SPMIP3: variants seen among roughly 807,000 people sequenced by gnomAD.
SPMIP3 encodes sperm microtubule inner protein 3, also known as protein SPMIP3.
At chr1:244,386,885 C>T in the SPMIP3 span, among the ~76,000 whole-genome samples, 6 of 152,320 alleles carry the variant, frequency 3.9e-5, no homozygotes, top group South Asian at 8.3e-4. Context: ...GACTGCACCT[C>T]TTATAAGCTA....
the SPMIP3 span, among the ~76,000 whole-genome samples, chr1:244,385,165 T>A: frequency 6.6e-6 from 1 of 152,160 alleles, no homozygotes; most frequent in African/African-American, 2.4e-5. Flanking sequence ...AGTGCTGGGA[T>A]TACAGGCATG....
chr1:244,378,140 G>A, the SPMIP3 span, among the ~76,000 whole-genome samples: 1 of 152,046 alleles, frequency 6.6e-6, no homozygotes, highest in Non-Finnish European at 1.5e-5. Context: ...AACATCCGCA[G>A]AACAGTTACA....
the SPMIP3 span, among the ~76,000 whole-genome samples, chr1:244,372,024 C>T: frequency 1.3e-5 from 2 of 152,228 alleles, no homozygotes; most frequent in African/African-American, 2.4e-5. Flanking sequence ...ACAGAACTCG[C>T]CCTGCTCAGT....
chr1:244,383,826 C>A, the SPMIP3 span, among the ~76,000 whole-genome samples: 3 of 152,070 alleles, frequency 2.0e-5, no homozygotes, highest in Non-Finnish European at 2.9e-5. Flanking sequence ...GAAGAAAGAC[C>A]AGAGTATGAA....
chr1:244,359,753 C>CA, the SPMIP3 span, among the ~76,000 whole-genome samples: 1 of 151,310 alleles, frequency 6.6e-6, no homozygotes. Flanking sequence ...TTAAAATAAG[C>CA]AAAAAATCTG....
chr1:244,369,634 C>T, the SPMIP3 span, among the ~76,000 whole-genome samples: 1 of 151,928 alleles, frequency 6.6e-6, no homozygotes, highest in African/African-American at 2.4e-5. Context: ...GGTTTTATAA[C>T]CGAGCTTGAG....
chr1:244,360,358 C>T, the SPMIP3 span, among the ~76,000 whole-genome samples: 4 of 152,140 alleles, frequency 2.6e-5, no homozygotes, highest in African/African-American at 9.6e-5. Flanking sequence ...CCAGCAGTCT[C>T]ACTGCTGGGT....
At chr1:244,372,656 G>A in the SPMIP3 span, among the ~76,000 whole-genome samples, 2 of 152,044 alleles carry the variant, frequency 1.3e-5, no homozygotes, top group Non-Finnish European at 2.9e-5. Flanking sequence ...CGTTAGCCAG[G>A]ATGGTCTCGA....
At chr1:244,380,964 A>G in the SPMIP3 span, among the ~76,000 whole-genome samples, 3 of 151,838 alleles carry the variant, frequency 2.0e-5, no homozygotes, top group African/African-American at 7.3e-5. Context: ...AGGCTCCGAG[A>G]CGACTGGAGC....
chr1:244,356,828 T>C, the SPMIP3 span, among the ~76,000 whole-genome samples: 60,600 of 151,756 alleles, frequency 0.4, 12,627 homozygotes, highest in Middle Eastern at 0.5. Context: ...TGTCAAATGT[T>C]TACCATGTGC....
chr1:244,386,227 T>C, the SPMIP3 span, among the ~76,000 whole-genome samples: 1 of 152,104 alleles, frequency 6.6e-6, no homozygotes, highest in Non-Finnish European at 1.5e-5. Context: ...TATTAAATCA[T>C]TAACATATTT....
chr1:244,358,439 G>T, the SPMIP3 span, among the ~76,000 whole-genome samples: 3 of 151,846 alleles, frequency 2.0e-5, no homozygotes, highest in South Asian at 6.2e-4. Flanking sequence ...ACAAAAACTA[G>T]CTAGGCGTGG....
the SPMIP3 span, chr1:244,375,030 T>C: frequency 6.2e-6 from 1 of 160,458 alleles, no homozygotes; most frequent in Non-Finnish European, 1.4e-5. Flanking sequence ...TGGTTTTATA[T>C]ATCCACTTAT....
At chr1:244,365,583 T>C in the SPMIP3 span, among the ~76,000 whole-genome samples, 1 of 152,322 alleles carries the variant, frequency 6.6e-6, no homozygotes, top group Middle Eastern at 3.4e-3. Context: ...TATTTCTTCA[T>C]AGCAGTATGA....
the SPMIP3 span, among the ~76,000 whole-genome samples, chr1:244,374,712 G>A: frequency 0.013 from 1,974 of 147,902 alleles, 20 homozygotes; most frequent in Non-Finnish European, 0.019. Flanking sequence ...TTCTCCTGGC[G>A]CAGCCTTCCC....
the SPMIP3 span, among the ~76,000 whole-genome samples, chr1:244,368,254 TG>T: frequency 1.3e-5 from 2 of 152,098 alleles, no homozygotes; most frequent in Non-Finnish European, 2.9e-5. Flanking sequence ...CCACTGCACC[TG>T]GCCTACTTTA....
At chr1:244,370,566 A>G in the SPMIP3 span, among the ~76,000 whole-genome samples, 5 of 152,314 alleles carry the variant, frequency 3.3e-5, no homozygotes, top group African/African-American at 9.6e-5. Context: ...CACTGGAGGC[A>G]CAGCAGAGCT....
At chr1:244,385,636 T>C in the SPMIP3 span, among the ~76,000 whole-genome samples, 9 of 152,326 alleles carry the variant, frequency 5.9e-5, no homozygotes, top group Non-Finnish European at 1.3e-4. Context: ...AAATAGTATC[T>C]ACCTAATAGA....
chr1:244,378,868 A>G, the SPMIP3 span, among the ~76,000 whole-genome samples: 1 of 152,160 alleles, frequency 6.6e-6, no homozygotes, highest in African/African-American at 2.4e-5. Flanking sequence ...ATGGAAATGC[A>G]TATATCCTTA....
Sources: allele counts gnomAD v4.1 joint callset (sites outside exome capture counted in the v4.1 genomes callset), GRCh38; gene constraint gnomAD v4.1.1; transcripts MANE v1.5; gene names NCBI Gene and HGNC (gene_info 2026-07-23, HGNC 2026-07-21).